The following CFAP47 variants were observed in gnomAD, a reference collection of about 807,000 sequenced individuals.
CFAP47 encodes cilia and flagella associated protein 47.
Under a neutral mutation model 148.1 loss-of-function variants are expected in CFAP47, and 29 were observed. The observed-to-expected ratio is 0.20, with a 90% CI of 0.15 to 0.27. The LOEUF (loss-of-function observed/expected upper bound fraction) is 0.27, where lower values mean the gene tolerates loss of function less well. CFAP47 is among the 10% of genes least tolerant of loss of function. The pLI is 1.00. For synonymous variants in CFAP47, 664 were observed against 577.3 expected (o/e 1.15, Z -2.15); for missense variants, 1,872 against 1,697.5 (o/e 1.10, Z -1.81).
At chrX:35,937,104 G>GTTTTTTTTT (rs377601530) in intron 2 of CFAP47, among the ~76,000 whole-genome samples, 8 of 55,539 alleles carry the variant, frequency 1.4e-4, no homozygotes, top group Non-Finnish European at 1.8e-4. Flanking sequence ...TGCAATTGCT[G>GTTTTTTTTT]TTTTTTTTTT....
At chrX:35,989,525 A>C (rs1936761349) in intron 16 of CFAP47, 76 bp downstream of exon 16, 3 of 1,205,950 alleles carry the variant, frequency 2.5e-6, no homozygotes, top group South Asian at 1.8e-5. Flanking sequence ...GTATATAGTT[A>C]CCTATATCTA....
intron 30 of CFAP47, among the ~76,000 whole-genome samples, chrX:36,095,118 A>G (rs1287911175): frequency 1.8e-5 from 2 of 111,264 alleles, no homozygotes; most frequent in Non-Finnish European, 3.8e-5. Flanking sequence ...CTTTTTCACT[A>G]TTGGTTGAAA....
At position 36,035,717 on chromosome X, in the gene CFAP47, C is replaced by G. The variant is rs772297570; in HGVS notation, c.3674C>G (p.Thr1225Ser). ...CAGAATCTTGTTTTATATAATATTACCAAACACCATGTGACATGGACTTTG... is the reference window on the plus strand; with the variant it reads ...CAGAATCTTGTTTTATATAATATTAGCAAACACCATGTGACATGGACTTTG... Reference protein sequence around the residue: ...KTQNLVLYNITKHHVTWTLDL... With the variant: ...KTQNLVLYNISKHHVTWTLDL... The change falls in exon 24 of 64, where the codon ACC becomes AGC. Residue 1225 changes from threonine to serine, a missense_variant. Coordinates refer to ENST00000378653, the MANE Select transcript of CFAP47 (RefSeq NM_001304548.2). 35 of 293,280 alleles carry G rather than the reference C, an allele frequency of 1.2e-4. No individual in the cohort carries two copies. The highest frequency in any genetic ancestry group is 1.7e-4 in the Non-Finnish European group (29 of 168,675). 24.2% of individuals were successfully genotyped at this position (293,280 alleles called of 1,213,427 possible). A position where few individuals can be genotyped will look rare whatever the true frequency, so the allele number is the denominator to read the frequency against.
At chrX:36,379,635 CA>C (rs1258259632) in intron 63 of CFAP47, 117 bp downstream of exon 63, 1 of 581,325 alleles carries the variant, frequency 1.7e-6, no homozygotes, top group Non-Finnish European at 2.7e-6. Context: ...TTTTGCTGTG[CA>C]AAAATCAACT....
At chrX:35,925,719 C>T (rs910332384) in intron 1 of CFAP47, among the ~76,000 whole-genome samples, 7 of 112,072 alleles carry the variant, frequency 6.2e-5, no homozygotes, top group Admixed American at 1.9e-4. Context: ...TACAATGGCA[C>T]GACCTCGGCT....
intron 8 of CFAP47, among the ~76,000 whole-genome samples, chrX:35,957,543 T>C (rs1936265110): frequency 8.9e-6 from 1 of 112,176 alleles, no homozygotes; most frequent in Non-Finnish European, 1.9e-5. Context: ...ATGTTATCAG[T>C]TTTCAAAGAA....
chrX:36,239,971 G>A (rs1769063486), intron 48 of CFAP47, among the ~76,000 whole-genome samples: 1 of 111,737 alleles, frequency 8.9e-6, no homozygotes, highest in Admixed American at 9.5e-5. Flanking sequence ...ACCGTTTATA[G>A]AAACCTGTGG....
At chrX:36,038,712 C>T (rs141558794) in intron 24 of CFAP47, among the ~76,000 whole-genome samples, 1,848 of 111,890 alleles carry the variant, frequency 0.017, 45 homozygotes, top group African/African-American at 0.057. Context: ...TTTCCCAGGG[C>T]ATATTTATTT....
At chrX:36,133,931 T>A (rs1938995827) in intron 33 of CFAP47, among the ~76,000 whole-genome samples, 1 of 110,092 alleles carries the variant, frequency 9.1e-6, no homozygotes, top group African/African-American at 3.3e-5. Flanking sequence ...TATAAAAAGC[T>A]CCTAGAAATA....
intron 35 of CFAP47, among the ~76,000 whole-genome samples, chrX:36,143,459 C>T (rs889614393): frequency 1.8e-5 from 2 of 111,736 alleles, no homozygotes; most frequent in Non-Finnish European, 3.8e-5. Context: ...GGGCTCAGAT[C>T]GTGTTCAGTT....
chrX:36,172,157 A>C (rs1164360657), intron 39 of CFAP47, among the ~76,000 whole-genome samples: 1 of 102,418 alleles, frequency 9.8e-6, no homozygotes, highest in East Asian at 3.1e-4. Context: ...TTGTATCCTG[A>C]GACTTTGCTG....
chrX:36,195,064 T>G, intron 42 of CFAP47, among the ~76,000 whole-genome samples: 1 of 113,010 alleles, frequency 8.8e-6, no homozygotes, highest in Non-Finnish European at 1.9e-5. Flanking sequence ...TGATGGGACA[T>G]CCTTGTCCTT....
At chrX:36,311,609 C>G (rs1407270121) in intron 56 of CFAP47, among the ~76,000 whole-genome samples, 2 of 110,777 alleles carry the variant, frequency 1.8e-5, no homozygotes, top group Admixed American at 1.9e-4. Flanking sequence ...TCTACTAAAA[C>G]TATTATTAGT....
At chrX:35,920,104 G>C (rs1372523731) in intron 1 of CFAP47, 56 bp downstream of exon 1, 1 of 1,116,485 alleles carries the variant, frequency 9.0e-7, no homozygotes, top group African/African-American at 1.8e-5. Flanking sequence ...TCCTCACACT[G>C]CGTCTCTCTT....
rs782033609 is a variant in CFAP47, at chrX:36,361,352, C to T, written c.8874C>T (p.Phe2958=). 27 of 1,108,276 alleles carry T rather than the reference C, an allele frequency of 2.4e-5. No homozygotes were observed. Among genetic ancestry groups the T allele is most frequent in the African/African-American group, 1.7e-4 (9 of 53,618 alleles). The allele number at this position is 1,108,276 out of a possible 1,213,427, so 91.3% of individuals were successfully genotyped here. A position where few individuals can be genotyped will look rare whatever the true frequency, so the allele number is the denominator to read the frequency against. Residue 2958 remains phenylalanine (F), a synonymous_variant, in exon 61 of 64, where the codon TTC becomes TTT. Coordinates refer to ENST00000378653, the MANE Select transcript of CFAP47 (RefSeq NM_001304548.2). ...DPNEIPKIHE[F]EYEIQFESEA... is the part of the protein sequence containing the mutation. ...TAGAAATTCCTAAAATACATGAATTCGAGTATGAAATTCAATTTGAATCTG... is the reference window on the plus strand; with the variant it reads ...TAGAAATTCCTAAAATACATGAATTTGAGTATGAAATTCAATTTGAATCTG...
chrX:35,993,874 A>G (rs1936816233), intron 18 of CFAP47, among the ~76,000 whole-genome samples: 1 of 111,852 alleles, frequency 8.9e-6, no homozygotes, highest in Non-Finnish European at 1.9e-5. Context: ...AATAATATGA[A>G]TTATATGTAA....
At chrX:36,230,475 A>C (rs183246649) in intron 46 of CFAP47, among the ~76,000 whole-genome samples, 2 of 104,111 alleles carry the variant, frequency 1.9e-5, no homozygotes, top group Non-Finnish European at 3.8e-5. Context: ...TTTTCTTGTA[A>C]ATTTGTTTGA....
At chrX:36,371,746 G>GTATATACACACGTGTA (rs1941952048) in intron 62 of CFAP47, among the ~76,000 whole-genome samples, 1 of 52,373 alleles carries the variant, frequency 1.9e-5, no homozygotes, top group Non-Finnish European at 3.4e-5. Flanking sequence ...ATATATGTGT[G>GTATATACACACGTGTA]TATATACACA....
intron 36 of CFAP47, among the ~76,000 whole-genome samples, chrX:36,148,780 A>G (rs1334100956): frequency 8.9e-6 from 1 of 111,943 alleles, no homozygotes; most frequent in Non-Finnish European, 1.9e-5. Context: ...CCTTTGCAAT[A>G]AAAATAAAAT....
Sources: gnomAD v4.1 joint callset for allele counts (sites outside exome capture counted in the v4.1 genomes callset) on GRCh38, gnomAD v4.1.1 for gene constraint, MANE v1.5 for transcripts, NCBI Gene and HGNC (gene_info 2026-07-23, HGNC 2026-07-21) for gene names.